The following OR7E24 variants were observed in gnomAD, a reference collection of about 807,000 sequenced individuals.
The protein encoded by OR7E24 is olfactory receptor 7E24.
For missense variants in OR7E24, 385 were observed against 410.3 expected (o/e 0.94, Z 0.53); for synonymous variants, 130 against 157.5 (o/e 0.83, Z 1.31).
At position 9,251,323 on chromosome 19, in the gene OR7E24, A is replaced by G. The variant is rs776797898; in HGVS notation, c.280A>G (p.Thr94Ala). The G allele has an allele frequency of 1.3e-5, 21 of 1,613,990 alleles. 1 individual carries two copies. Among genetic ancestry groups the G allele is most frequent in the Non-Finnish European group, 1.8e-5 (21 of 1,179,986 alleles). Reference sequence around the variant, plus strand: ...CTTGGCTGACATCGGTTTCACCTCCACCACGGTCCCCAAGATGATTGTGGA... The same window carrying G: ...CTTGGCTGACATCGGTTTCACCTCCGCCACGGTCCCCAAGATGATTGTGGA... ...LSLADIGFTS[T>A]TVPKMIVDMQ... Residue 94 changes from threonine to alanine, a missense_variant, in exon 1 of 1, where the codon ACC becomes GCC. Physicochemically the swap from Thr to Ala is moderately conservative, Grantham distance 58. Transcript: ENST00000456448.
the OR7E24 span, among the ~76,000 whole-genome samples, chr19:9,241,342 C>T: frequency 3.9e-5 from 6 of 152,230 alleles, no homozygotes; most frequent in South Asian, 2.1e-4. Context: ...GTCACAAAGG[C>T]AAGATTATGT....
At chr19:9,233,199 G>A in the OR7E24 span, among the ~76,000 whole-genome samples, 6 of 152,122 alleles carry the variant, frequency 3.9e-5, no homozygotes, top group East Asian at 3.9e-4. Context: ...GACTAAATTC[G>A]TCTTCTATGA....
the OR7E24 span, among the ~76,000 whole-genome samples, chr19:9,224,937 G>C: frequency 2.6e-5 from 4 of 152,248 alleles, no homozygotes; most frequent in African/African-American, 9.6e-5. Flanking sequence ...CTTATCAGTA[G>C]ACTTTCTCTC....
At chr19:9,238,240 C>T in the OR7E24 span, among the ~76,000 whole-genome samples, 1 of 152,094 alleles carries the variant, frequency 6.6e-6, no homozygotes, top group East Asian at 1.9e-4. Flanking sequence ...ATCACTGTGA[C>T]AGAGCAAGTG....
Position 9,251,232 on chromosome 19 carries a change from C to G in OR7E24, c.189C>G (p.Ile63Met), listed in dbSNP as rs569818815. 2 of 1,613,970 alleles carry G rather than the reference C, an allele frequency of 1.2e-6. No homozygotes were observed. Among genetic ancestry groups the G allele is most frequent in the Admixed American group, 3.3e-5 (2 of 60,000 alleles). Residue 63 changes from isoleucine to methionine, a missense_variant, in exon 1 of 1, where the codon ATC becomes ATG. By Grantham distance (10) the Ile-to-Met change is conservative. Transcript: ENST00000456448. ...YLVTVLGNLLIILAVSSDSHL... is the reference protein window; with the variant it reads ...YLVTVLGNLLMILAVSSDSHL... ...TCACGGTGCTGGGGAACCTGCTCAT[C>G]ATCCTGGCTGTCAGCTCTGACTCCC...
upstream of OR7E24, among the ~76,000 whole-genome samples, chr19:9,247,857 G>A (rs2066134949): frequency 1.3e-5 from 2 of 152,144 alleles, no homozygotes; most frequent in Non-Finnish European, 2.9e-5. Context: ...CCCTGCCAAT[G>A]AGTGATGTTG....
the OR7E24 span, chr19:9,219,272 A>G: frequency 6.6e-6 from 1 of 152,204 alleles, no homozygotes; most frequent in Non-Finnish European, 1.5e-5. Flanking sequence ...ACAGGAGACT[A>G]AAGTTTATAG....
At chr19:9,232,425 C>G in the OR7E24 span, among the ~76,000 whole-genome samples, 1 of 150,010 alleles carries the variant, frequency 6.7e-6, no homozygotes, top group Non-Finnish European at 1.5e-5. Flanking sequence ...GTAGTCCCAG[C>G]TATTCAGGAG....
upstream of OR7E24, among the ~76,000 whole-genome samples, chr19:9,249,040 C>T (rs2066138046): frequency 6.6e-6 from 1 of 152,150 alleles, no homozygotes; most frequent in Non-Finnish European, 1.5e-5. Flanking sequence ...ACCGTGTGTG[C>T]TCCTGTGTGA....
upstream of OR7E24, among the ~76,000 whole-genome samples, chr19:9,245,537 A>G (rs923241353): frequency 6.6e-6 from 1 of 152,238 alleles, no homozygotes; most frequent in Non-Finnish European, 1.5e-5. Context: ...GGATGCTGCA[A>G]GTTCACTTCT....
the OR7E24 span, among the ~76,000 whole-genome samples, chr19:9,215,866 T>G: frequency 6.6e-6 from 1 of 152,320 alleles, no homozygotes; most frequent in African/African-American, 2.4e-5. Context: ...CATGCATTAG[T>G]CTGTTTTCAC....
chr19:9,221,522 T>C, the OR7E24 span, among the ~76,000 whole-genome samples: 1 of 122,776 alleles, frequency 8.1e-6, no homozygotes, highest in Non-Finnish European at 1.5e-5. Context: ...GGCTACTTTT[T>C]TGTATTTTTA....
At chr19:9,223,485 C>T in the OR7E24 span, among the ~76,000 whole-genome samples, 1 of 152,204 alleles carries the variant, frequency 6.6e-6, no homozygotes, top group Non-Finnish European at 1.5e-5. Flanking sequence ...TACCTGTCTA[C>T]ACTGTTTCAT....
the OR7E24 span, among the ~76,000 whole-genome samples, chr19:9,230,558 C>T: frequency 4.6e-5 from 7 of 152,130 alleles, no homozygotes; most frequent in African/African-American, 1.4e-4. Context: ...TTCCTGAATC[C>T]AATCACCTCT....
the OR7E24 span, among the ~76,000 whole-genome samples, chr19:9,215,760 AATTACTTAGAT>A: frequency 1.8e-4 from 28 of 152,276 alleles, 1 homozygote; most frequent in South Asian, 5.6e-3. Flanking sequence ...CTTTTATGAT[AATTACTTAGAT>A]ATATAACTCT....
At chr19:9,241,574 G>A in the OR7E24 span, among the ~76,000 whole-genome samples, 1 of 152,106 alleles carries the variant, frequency 6.6e-6, no homozygotes, top group South Asian at 2.1e-4. Context: ...AGACCAGCCT[G>A]GCCAATGTGG....
chr19:9,221,430 A>C, the OR7E24 span, among the ~76,000 whole-genome samples: 1 of 122,566 alleles, frequency 8.2e-6, no homozygotes, highest in Non-Finnish European at 1.6e-5. Context: ...CGCTCGCTGC[A>C]AGCTCCGCCT....
the OR7E24 span, among the ~76,000 whole-genome samples, chr19:9,236,527 G>A: frequency 0.02 from 3,059 of 151,628 alleles, 88 homozygotes; most frequent in African/African-American, 0.069. Flanking sequence ...AGAAAAAAAA[G>A]GTTTTTGTAT....
the OR7E24 span, among the ~76,000 whole-genome samples, chr19:9,225,156 C>T: frequency 6.6e-6 from 1 of 151,948 alleles, no homozygotes; most frequent in African/African-American, 2.4e-5. Flanking sequence ...GGGCAGATCA[C>T]CTGAGGTCAG....
Sources: gnomAD v4.1 joint callset for allele counts (sites outside exome capture counted in the v4.1 genomes callset) on GRCh38, gnomAD v4.1.1 for gene constraint, MANE v1.5 for transcripts, NCBI Gene and HGNC (gene_info 2026-07-23, HGNC 2026-07-21) for gene names.